The following GALNT13 variants were observed in gnomAD, a reference collection of about 807,000 sequenced individuals.
GALNT13 encodes UDP-GalNAc:polypeptide N-acetylgalactosaminyltransferase 13.
A neutral mutation model predicts 64.2 loss-of-function variants in GALNT13; 28 were observed. That is an observed-to-expected ratio of 0.44 (90% CI 0.32 to 0.60). GALNT13 has a LOEUF of 0.60. Among genes scored for constraint, GALNT13 ranks in the 20% least tolerant of loss-of-function variants. GALNT13 has a pLI of 0.05. For synonymous variants in GALNT13, 214 were observed against 224.6 expected, an observed-to-expected ratio of 0.95 and a Z score of 0.42; for missense variants, 577 against 669.8, an observed-to-expected ratio of 0.86 and a Z score of 1.53.
chr2:153,345,853 C>T, the GALNT13 span, among the ~76,000 whole-genome samples: 5 of 149,370 alleles, frequency 3.3e-5, no homozygotes, highest in Admixed American at 1.3e-4. Flanking sequence ...TGGAGTGCAG[C>T]GGCACAATCA....
the GALNT13 span, among the ~76,000 whole-genome samples, chr2:153,409,900 G>C: frequency 1.3e-3 from 192 of 152,222 alleles, no homozygotes; most frequent in African/African-American, 4.4e-3. Flanking sequence ...CAAGAAAAAT[G>C]CTCCAGACCT....
the GALNT13 span, among the ~76,000 whole-genome samples, chr2:153,082,335 A>G: frequency 6.6e-6 from 1 of 151,566 alleles, no homozygotes; most frequent in East Asian, 2.0e-4. Flanking sequence ...AAATCCCCAA[A>G]GTCTATTATA....
At chr2:153,133,996 T>C in the GALNT13 span, among the ~76,000 whole-genome samples, 20 of 152,302 alleles carry the variant, frequency 1.3e-4, no homozygotes, top group South Asian at 1.4e-3. Flanking sequence ...TTGTTCATAT[T>C]TGAAGCACAA....
chr2:153,524,728 C>T, the GALNT13 span, among the ~76,000 whole-genome samples: 1 of 152,126 alleles, frequency 6.6e-6, no homozygotes, highest in African/African-American at 2.4e-5. Context: ...ATTGCCAATC[C>T]CAGCAGTTGA....
the GALNT13 span, among the ~76,000 whole-genome samples, chr2:153,702,584 C>T: frequency 4.0e-5 from 6 of 151,862 alleles, no homozygotes; most frequent in African/African-American, 1.5e-4. Flanking sequence ...ACAACAAGAT[C>T]GATTGATGGA....
At chr2:153,523,043 ATTTTTTT>A in the GALNT13 span, among the ~76,000 whole-genome samples, 57 of 83,386 alleles carry the variant, frequency 6.8e-4, 1 homozygote, top group South Asian at 6.5e-3. Context: ...TGTGTTTACT[ATTTTTTT>A]TTTTTTTTTT....
At chr2:153,509,118 C>A in the GALNT13 span, among the ~76,000 whole-genome samples, 1 of 152,188 alleles carries the variant, frequency 6.6e-6, no homozygotes, top group Non-Finnish European at 1.5e-5. Context: ...GAAGAGAGGA[C>A]AGAGGAAGAA....
At chr2:153,751,255 T>C in the GALNT13 span, among the ~76,000 whole-genome samples, 1 of 152,116 alleles carries the variant, frequency 6.6e-6, no homozygotes, top group East Asian at 1.9e-4. Context: ...GAATGAGCCA[T>C]GTGCTGAGGA....
the GALNT13 span, among the ~76,000 whole-genome samples, chr2:153,101,603 TA>T: frequency 6.6e-6 from 1 of 152,246 alleles, no homozygotes; most frequent in Non-Finnish European, 1.5e-5. Context: ...TCTCAGCAAT[TA>T]AAAGGACGTT....
At chr2:153,478,182 G>A in the GALNT13 span, 27 of 1,441,068 alleles carry the variant, frequency 1.9e-5, no homozygotes, top group African/African-American at 3.4e-4. Flanking sequence ...GGGCACAGCC[G>A]GGCTAGCAAA....
At chr2:153,890,417 T>C (rs547065774) in intron 1 of GALNT13, among the ~76,000 whole-genome samples, 10 of 152,134 alleles carry the variant, frequency 6.6e-5, no homozygotes, top group Admixed American at 5.9e-4. Flanking sequence ...ACTTGGCTGA[T>C]TGCCATCAAA....
the GALNT13 span, among the ~76,000 whole-genome samples, chr2:153,264,622 A>G: frequency 6.6e-6 from 1 of 152,240 alleles, no homozygotes; most frequent in African/African-American, 2.4e-5. Flanking sequence ...AAGAAATGAC[A>G]TTAGGTTTTT....
intron 11 of GALNT13, among the ~76,000 whole-genome samples, chr2:154,411,726 C>T (rs867972600): frequency 2.0e-5 from 3 of 151,524 alleles, no homozygotes; most frequent in South Asian, 2.1e-4. Context: ...TCCTTTTTAC[C>T]GCACATTTTT....
At chr2:153,476,431 G>A in the GALNT13 span, among the ~76,000 whole-genome samples, 5 of 152,304 alleles carry the variant, frequency 3.3e-5, no homozygotes, top group South Asian at 4.1e-4. Context: ...TTAGGATCCT[G>A]TCTCAGGCAT....
the GALNT13 span, among the ~76,000 whole-genome samples, chr2:153,246,686 CA>C: frequency 6.6e-6 from 1 of 152,162 alleles, no homozygotes; most frequent in Non-Finnish European, 1.5e-5. Flanking sequence ...CCAGCCACTG[CA>C]AAAACATCCC....
At chr2:153,720,876 G>C in the GALNT13 span, among the ~76,000 whole-genome samples, 2 of 151,154 alleles carry the variant, frequency 1.3e-5, no homozygotes, top group Non-Finnish European at 3.0e-5. Flanking sequence ...AACCAAGTTG[G>C]AAAACACTCT....
chr2:153,458,950 C>T, the GALNT13 span, among the ~76,000 whole-genome samples: 16 of 152,082 alleles, frequency 1.1e-4, no homozygotes, highest in Non-Finnish European at 2.2e-4. Context: ...AGATATGACT[C>T]TTAAAATCTA....
chr2:153,381,597 C>T, the GALNT13 span, among the ~76,000 whole-genome samples: 1 of 151,774 alleles, frequency 6.6e-6, no homozygotes, highest in Non-Finnish European at 1.5e-5. Flanking sequence ...GGCTGATACT[C>T]ATCTATATTC....
rs1339908638 is a variant in GALNT13 at position 154,137,788 on chromosome 2, T to C, written c.143-2549T>C. 2.0e-5 allele frequency among the ~76,000 whole-genome samples: 3 copies of C among 152,078 alleles called. No individual in the cohort carries two copies. In the East Asian group the frequency reaches 5.8e-4, roughly 29 times the overall value. On this transcript the variant is annotated intron_variant, in intron 3 of 12. Transcript: ENST00000392825. The stretch of plus-strand genomic sequence containing the variant: ...TTATGGTGACTTTCTCTGCAGCATG[T>C]CTTTTTATCAGTTTACAGACGGTGA...
Sources: allele counts gnomAD v4.1 joint callset (sites outside exome capture counted in the v4.1 genomes callset), GRCh38; gene constraint gnomAD v4.1.1; transcripts MANE v1.5; gene names NCBI Gene and HGNC (gene_info 2026-07-23, HGNC 2026-07-21).